PPARGC1A: variants seen among roughly 807,000 people sequenced by gnomAD.
PPARGC1A encodes the protein PPARG coactivator 1 alpha.
In PPARGC1A, 25 loss-of-function variants were observed where a neutral mutation model predicts 88.7. The ratio of observed to expected loss-of-function variants is 0.28; its 90% CI spans 0.21 to 0.39. The LOEUF (loss-of-function observed/expected upper bound fraction) is 0.39. Ranked by LOEUF, PPARGC1A falls within the 10% of genes least tolerant of loss-of-function variation. The pLI, the probability that PPARGC1A is intolerant of heterozygous loss-of-function variation, is 1.00. For missense variants in PPARGC1A, 880 were observed against 968.7 expected (o/e 0.91, Z 1.22); for synonymous variants, 363 against 355.6 (o/e 1.02, Z -0.24).
At chr4:24,111,012 G>T in the PPARGC1A span, among the ~76,000 whole-genome samples, 1 of 151,854 alleles carries the variant, frequency 6.6e-6, no homozygotes, top group African/African-American at 2.4e-5. Context: ...TTGATTTTTT[G>T]ATCATTTCTT....
the PPARGC1A span, among the ~76,000 whole-genome samples, chr4:24,050,954 A>AGGC: frequency 6.6e-6 from 1 of 152,000 alleles, no homozygotes; most frequent in Non-Finnish European, 1.5e-5. Context: ...TTGGGAGGCC[A>AGGC]AGGTGGGCAG....
the PPARGC1A span, among the ~76,000 whole-genome samples, chr4:24,050,439 G>A: frequency 6.1e-4 from 92 of 151,828 alleles, 1 homozygote; most frequent in African/African-American, 2.1e-3. Flanking sequence ...CTTGTGATCC[G>A]CCCACCTCAG....
chr4:24,087,146 A>G, the PPARGC1A span, among the ~76,000 whole-genome samples: 10 of 152,186 alleles, frequency 6.6e-5, no homozygotes, highest in East Asian at 7.7e-4. Context: ...AGTCCAGGGG[A>G]AAAAAGGTAG....
the PPARGC1A span, among the ~76,000 whole-genome samples, chr4:24,089,596 C>T: frequency 3.1e-3 from 475 of 150,944 alleles, 2 homozygotes; most frequent in African/African-American, 0.011. Context: ...CTGCAAGCTC[C>T]GCCTCCCGGG....
chr4:24,236,267 A>C, the PPARGC1A span, among the ~76,000 whole-genome samples: 2 of 152,122 alleles, frequency 1.3e-5, no homozygotes, highest in Non-Finnish European at 2.9e-5. Flanking sequence ...AGCTTTATCT[A>C]AGGACAAAAA....
At chr4:23,891,943 G>T (rs56869809), upstream of PPARGC1A, among the ~76,000 whole-genome samples, 1 of 152,092 alleles carries the variant, frequency 6.6e-6, no homozygotes, top group Admixed American at 6.6e-5. Context: ...AAGGTCATTG[G>T]CTCTGCCCTC....
At chr4:23,854,113 G>A (rs956311340) in intron 2 of PPARGC1A, among the ~76,000 whole-genome samples, 1 of 152,194 alleles carries the variant, frequency 6.6e-6, no homozygotes, top group African/African-American at 2.4e-5. Flanking sequence ...TTATAATCTA[G>A]TCAAGGGAGT....
intron 1 of PPARGC1A, among the ~76,000 whole-genome samples, chr4:23,897,525 G>C (rs1718737662): frequency 6.6e-6 from 1 of 152,180 alleles, no homozygotes; most frequent in Non-Finnish European, 1.5e-5. Context: ...AAAATGCAGT[G>C]ATGTGCCTGT....
chr4:24,045,478 G>A, the PPARGC1A span, among the ~76,000 whole-genome samples: 1 of 152,004 alleles, frequency 6.6e-6, no homozygotes, highest in Non-Finnish European at 1.5e-5. Context: ...AAGGTGTCAG[G>A]GCCATGCTCT....
chr4:24,182,956 A>G, the PPARGC1A span, among the ~76,000 whole-genome samples: 1 of 152,194 alleles, frequency 6.6e-6, no homozygotes, highest in Non-Finnish European at 1.5e-5. Flanking sequence ...TTTGCCCACA[A>G]TAAGCTTCCA....
At chr4:24,165,624 G>C in the PPARGC1A span, among the ~76,000 whole-genome samples, 1 of 152,142 alleles carries the variant, frequency 6.6e-6, no homozygotes, top group African/African-American at 2.4e-5. Flanking sequence ...ATTTTGGTAA[G>C]TCTCATGGTA....
At chr4:24,399,791 CTT>C in the PPARGC1A span, among the ~76,000 whole-genome samples, 19 of 141,520 alleles carry the variant, frequency 1.3e-4, no homozygotes, top group Admixed American at 1.4e-4. Context: ...AAGGAATCTC[CTT>C]TTTTTTTTTT....
the PPARGC1A span, among the ~76,000 whole-genome samples, chr4:24,110,914 G>T: frequency 5.9e-5 from 9 of 152,068 alleles, no homozygotes; most frequent in Non-Finnish European, 1.5e-5. Flanking sequence ...CTGAAAACCA[G>T]GCCTTCTGAC....
the PPARGC1A span, among the ~76,000 whole-genome samples, chr4:23,946,427 C>T: frequency 6.6e-6 from 1 of 152,044 alleles, no homozygotes; most frequent in Admixed American, 6.6e-5. Flanking sequence ...CTAACAATTG[C>T]CAAAGAGCCG....
rs754602547 is a variant in PPARGC1A at position 23,802,339 on chromosome 4, G to C, written c.2026C>G (p.Arg676Gly). 1.2e-6 allele frequency: 2 copies of C among 1,613,966 alleles called. No homozygotes were observed. Among genetic ancestry groups the C allele is most frequent in the Non-Finnish European group, 1.7e-6 (2 of 1,179,938 alleles). Residue 676 changes from arginine (R) to glycine (G), a missense_variant, in exon 11 of 13, where the codon CGC becomes GGC. Arg to Gly is a moderately radical substitution (Grantham distance 125). Transcript: ENST00000264867. ...ERQRQKAIEE[R>G]RVIYVGKIRP... ...ATTTTACCGACATAAATCACACGGC[G>C]CTCTTCCTATGGGGGGAAGGAAGGA...
At chr4:23,897,886 C>T (rs73803404) in intron 1 of PPARGC1A, among the ~76,000 whole-genome samples, 2,634 of 152,202 alleles carry the variant, frequency 0.017, 74 homozygotes, top group African/African-American at 0.059. Flanking sequence ...GAAAGTAGCA[C>T]GAGTCATATG....
chr4:24,000,582 T>C, the PPARGC1A span, among the ~76,000 whole-genome samples: 1 of 152,136 alleles, frequency 6.6e-6, no homozygotes, highest in African/African-American at 2.4e-5. Context: ...TGCCTCATGA[T>C]AAAATTAAGT....
At chr4:24,375,542 A>G in the PPARGC1A span, among the ~76,000 whole-genome samples, 1 of 152,204 alleles carries the variant, frequency 6.6e-6, no homozygotes, top group Non-Finnish European at 1.5e-5. Flanking sequence ...TTGTGCATCA[A>G]TTCATTCAAC....
At chr4:24,374,594 C>T in the PPARGC1A span, among the ~76,000 whole-genome samples, 2 of 151,090 alleles carry the variant, frequency 1.3e-5, no homozygotes, top group African/African-American at 4.9e-5. Context: ...TCTGAAGAGA[C>T]ATTTCTCTAA....
Sources: gnomAD v4.1 joint callset for allele counts (sites outside exome capture counted in the v4.1 genomes callset) on GRCh38, gnomAD v4.1.1 for gene constraint, MANE v1.5 for transcripts, NCBI Gene and HGNC (gene_info 2026-07-23, HGNC 2026-07-21) for gene names.